Variants in TPRA1 observed in about 807,000 individuals in gnomAD.
TPRA1 encodes the protein transmembrane protein adipocyte associated 1, also known as transmembrane protein adipocyte-associated 1.
In TPRA1, 28 loss-of-function variants were observed where a neutral mutation model predicts 40.1. That is an observed-to-expected ratio of 0.70 (90% confidence interval 0.52 to 0.96). TPRA1 has a LOEUF of 0.96. Ranked by LOEUF, TPRA1 falls within the 40% of genes least tolerant of loss-of-function variation. The probability of loss-of-function intolerance (pLI) is 0.00; values close to 1 mark genes in which losing one functional copy is unlikely to be tolerated. For synonymous variants in TPRA1, 219 were observed against 209.7 expected (o/e 1.04, Z -0.38); for missense variants, 441 against 482.6 (o/e 0.91, Z 0.81).
At chr3:127,589,084 C>A (rs893933377) in intron 1 of TPRA1, among the ~76,000 whole-genome samples, 4 of 151,960 alleles carry the variant, frequency 2.6e-5, no homozygotes, top group Non-Finnish European at 5.9e-5. Flanking sequence ...CTCCCAGGAA[C>A]AGGGAAACTG....
At chr3:127,586,488 AGCTAGGATCACAAGT>A (rs2074003607) in intron 1 of TPRA1, among the ~76,000 whole-genome samples, 1 of 152,166 alleles carries the variant, frequency 6.6e-6, no homozygotes, top group South Asian at 2.1e-4. Flanking sequence ...CCTCCCAAGT[AGCTAGGATCACAAGT>A]GTGCACCACC....
At chr3:127,589,743 G>A (rs572593407) in intron 1 of TPRA1, among the ~76,000 whole-genome samples, 1 of 152,102 alleles carries the variant, frequency 6.6e-6, no homozygotes, top group African/African-American at 2.4e-5. Context: ...GCCGCGTCTG[G>A]GTATTTACTA....
At chr3:127,578,910 G>A (rs910150469) in intron 3 of TPRA1, among the ~76,000 whole-genome samples, 5 of 152,078 alleles carry the variant, frequency 3.3e-5, no homozygotes, top group South Asian at 4.2e-4. Flanking sequence ...GGGGAAGGGC[G>A]CCCTGAAGGA....
At position 127,576,060 on chromosome 3, in the gene TPRA1, C is replaced by T. The variant is rs747670606; in HGVS notation, c.499-10G>A. The T allele has an allele frequency of 1.2e-6, 2 of 1,605,478 alleles. No individual in the cohort carries two copies. Among genetic ancestry groups the T allele is most frequent in the Non-Finnish European group, 1.7e-6 (2 of 1,172,602 alleles). ...GGATCTCCAGGGTCCCCTGCAGGGG[C>T]AAGCAGGAAGGGAGGAAGGGAGAGG... On this transcript the variant is annotated splice_polypyrimidine_tract_variant and intron_variant, in intron 6 of 10. Transcript: ENST00000355552. The surrounding 1 kb of genome is among the most constrained non-coding windows in gnomAD (Gnocchi z 4.6).
Position 127,577,056 on chromosome 3 carries a change from C to T in TPRA1, c.279G>A (p.Val93=), listed in dbSNP as rs2073665437. 2 of 1,613,326 alleles carry T rather than the reference C, an allele frequency of 1.2e-6. No individual in the cohort carries two copies. The highest frequency in any genetic ancestry group is 3.3e-5 in the Admixed American group (2 of 60,012). ...FYILVFVVAL[V]GIARAVVSMT... ...TGGATACCACGGCCCGGGCAATGCC[C>T]ACCAGCGCCACCACAAACACCTGGT... is the stretch of plus-strand genomic sequence containing the variant. The change falls in exon 4 of 11, where the codon GTG becomes GTA. Residue 93 remains valine (V), a synonymous_variant. Transcript: ENST00000355552.
Position 127,575,920 on chromosome 3 carries a change from TG to T in TPRA1, c.609+19del, listed in dbSNP as rs1464042310. The T allele has an allele frequency of 6.2e-7, 1 of 1,613,298 alleles. No homozygotes were observed. Among genetic ancestry groups the T allele is most frequent in the Non-Finnish European group, 8.5e-7 (1 of 1,179,494 alleles). ...GCCCTAAGGCCCCAGCCACCCCAGC[TG>T]CCCCAGCCTGAACCTCACCAGGAAG... On this transcript the variant is annotated intron_variant, in intron 7 of 10. Transcript: ENST00000355552.
intron 10 of TPRA1, among the ~76,000 whole-genome samples, chr3:127,574,067 C>G (rs1159662777): frequency 6.6e-6 from 1 of 152,160 alleles, no homozygotes; most frequent in Admixed American, 6.5e-5. Flanking sequence ...GAAGAATGGA[C>G]ATAAATCATG....
intron 10 of TPRA1, among the ~76,000 whole-genome samples, chr3:127,574,132 C>G (rs2073483014): frequency 6.6e-6 from 1 of 152,248 alleles, no homozygotes; most frequent in African/African-American, 2.4e-5. Flanking sequence ...TGGCCTCCGC[C>G]CCCACTCCTG....
chr3:127,591,541 G>A (rs2074170166), upstream of TPRA1, among the ~76,000 whole-genome samples: 1 of 152,162 alleles, frequency 6.6e-6, no homozygotes, highest in Non-Finnish European at 1.5e-5. Context: ...GCGGGTCTCT[G>A]TTTCTGTCCC....
At position 127,572,013 on chromosome 3, in the gene TPRA1, T is replaced by A. The variant is rs1056231548; in HGVS notation, c.*1508A>T. Among the ~76,000 whole-genome samples the A allele has an allele frequency of 3.6e-5, 5 of 138,146 alleles. No individual in the cohort carries two copies. Among genetic ancestry groups the A allele is most frequent in the African/African-American group, 1.2e-4 (5 of 40,280 alleles). 90.6% of individuals were successfully genotyped at this position (138,146 alleles called of 152,430 possible). On this transcript the variant is annotated 3_prime_UTR_variant, in exon 11 of 11. Coordinates refer to ENST00000355552, the MANE Select transcript of TPRA1 (RefSeq NM_001136053.4). ...CAGAATGCCGTGAGCTTGCCTTCCC[T>A]GATTACCAGGCTTTTACATGAGCTG...
intron 1 of TPRA1, among the ~76,000 whole-genome samples, chr3:127,584,852 G>C (rs2073952710): frequency 6.6e-6 from 1 of 152,026 alleles, no homozygotes; most frequent in Non-Finnish European, 1.5e-5. Context: ...ATAAACATAT[G>C]ACACGAGCAG....
Position 127,573,752 on chromosome 3 carries a change from T to C in TPRA1, c.891A>G (p.Gln297=). Residue 297 remains glutamine (Q), a synonymous_variant, in exon 11 of 11, where the codon CAA becomes CAG. Coordinates refer to ENST00000355552, the MANE Select transcript of TPRA1 (RefSeq NM_001136053.4). ...EPKILFSYKC[Q]VDETEEPDVH... ...CATCTGGCTCCTCTGTCTCGTCCAC[T>C]TGGCATTTGTAGGAGAAGAGGATCT... 1.3e-6 allele frequency: 2 copies of C among 1,587,202 alleles called. No individual in the cohort carries two copies. Among genetic ancestry groups the C allele is most frequent in the Non-Finnish European group, 1.7e-6 (2 of 1,160,922 alleles).
At chr3:127,582,989 CA>C (rs929143116) in intron 1 of TPRA1, among the ~76,000 whole-genome samples, 1 of 151,148 alleles carries the variant, frequency 6.6e-6, no homozygotes, top group African/African-American at 2.4e-5. Context: ...ACTAAAAATA[CA>C]AAAAAATTAG....
At chr3:127,591,717 C>A (rs1373186117), upstream of TPRA1, among the ~76,000 whole-genome samples, 2 of 152,172 alleles carry the variant, frequency 1.3e-5, no homozygotes, top group Non-Finnish European at 2.9e-5. Flanking sequence ...TGATTGTTTT[C>A]ATTTACCTGC....
chr3:127,579,658 T>C, intron 3 of TPRA1, 82 bp downstream of exon 3: 5 of 1,492,580 alleles, frequency 3.3e-6, no homozygotes, highest in Non-Finnish European at 4.6e-6. Context: ...ACCTGAAGCT[T>C]ATTTTCATTA....
chr3:127,586,733 C>A (rs952388819), intron 1 of TPRA1, among the ~76,000 whole-genome samples: 1 of 152,160 alleles, frequency 6.6e-6, no homozygotes, highest in African/African-American at 2.4e-5. Context: ...CAACTCTGAC[C>A]CAGAATGGAA....
upstream of TPRA1, among the ~76,000 whole-genome samples, chr3:127,594,008 C>T (rs1297188851): frequency 6.6e-6 from 1 of 152,216 alleles, no homozygotes; most frequent in Non-Finnish European, 1.5e-5. Context: ...TGCACTGGTT[C>T]ATGGTGTCAA....
At position 127,577,048 on chromosome 3, in the gene TPRA1, G is replaced by C; in HGVS notation, c.287C>G (p.Ala96Gly). 1.2e-6 allele frequency: 2 copies of C among 1,613,576 alleles called. No homozygotes were observed. The highest frequency in any genetic ancestry group is 1.7e-6 in the Non-Finnish European group (2 of 1,180,036). ...LVFVVALVGI[A>G]RAVVSMTVST... ...CACCGTCATGGATACCACGGCCCGG[G>C]CAATGCCCACCAGCGCCACCACAAA... Residue 96 changes from alanine (A) to glycine (G), a missense_variant, in exon 4 of 11, where the codon GCC (alanine) becomes GGC (glycine). Ala to Gly is a moderately conservative substitution (Grantham distance 60). Coordinates refer to ENST00000355552, the MANE Select transcript of TPRA1 (RefSeq NM_001136053.4).
intron 10 of TPRA1, 88 bp downstream of exon 10, chr3:127,575,097 C>A (rs890698748): frequency 7.0e-7 from 1 of 1,436,092 alleles, no homozygotes; most frequent in South Asian, 1.2e-5. Flanking sequence ...GCATACACAG[C>A]CTCTCAGCTT....
Sources: gnomAD v4.1 joint callset for allele counts (sites outside exome capture counted in the v4.1 genomes callset) on GRCh38, gnomAD v4.1.1 for gene constraint, Gnocchi (gnomAD v3.1) non-coding constraint, MANE v1.5 for transcripts, NCBI Gene and HGNC (gene_info 2026-07-23, HGNC 2026-07-21) for gene names.